Variants in APBA2 observed in about 807,000 individuals in gnomAD.
APBA2 encodes the protein amyloid-beta A4 precursor protein-binding family A member 2.
APBA2 carries 30 observed loss-of-function variants against 75.0 expected under a neutral mutation model. The observed-to-expected ratio is 0.40, with a 90% CI of 0.30 to 0.54. The LOEUF (loss-of-function observed/expected upper bound fraction) is 0.54. Among genes scored for constraint, APBA2 ranks in the 20% least tolerant of loss-of-function variants. APBA2 has a pLI of 0.49. For missense variants in APBA2, 801 were observed against 1,016.1 expected (o/e 0.79, Z 2.88); for synonymous variants, 444 against 409.6 (o/e 1.08, Z -1.01).
At chr15:29,062,892 G>T (rs901233300) in intron 4 of APBA2, among the ~76,000 whole-genome samples, 1 of 152,064 alleles carries the variant, frequency 6.6e-6, no homozygotes, top group East Asian at 1.9e-4. Context: ...CCCCCATCTC[G>T]TGGGGCTGTG....
intron 6 of APBA2, among the ~76,000 whole-genome samples, chr15:29,085,477 A>T (rs1555409078): frequency 6.8e-6 from 1 of 147,740 alleles, no homozygotes; most frequent in Non-Finnish European, 1.5e-5. Context: ...GTGAGCCGAG[A>T]TTGCACCACT....
At chr15:28,948,168 G>A (rs1399983883) in intron 2 of APBA2, among the ~76,000 whole-genome samples, 1 of 152,220 alleles carries the variant, frequency 6.6e-6, no homozygotes, top group East Asian at 1.9e-4. Flanking sequence ...TCCCCACAGG[G>A]GTTAGTTCAT....
At chr15:28,896,266 C>G (rs921731574) in intron 1 of APBA2, among the ~76,000 whole-genome samples, 1 of 151,796 alleles carries the variant, frequency 6.6e-6, no homozygotes, top group African/African-American at 2.4e-5. Flanking sequence ...TGTCCCAAAC[C>G]CACTTTCTTC....
At chr15:28,979,686 G>A (rs115145330) in intron 2 of APBA2, among the ~76,000 whole-genome samples, 1,970 of 152,266 alleles carry the variant, frequency 0.013, 58 homozygotes, top group African/African-American at 0.045. Context: ...CCTTCTGGGC[G>A]GAGCGTGCAG....
intron 3 of APBA2, among the ~76,000 whole-genome samples, chr15:29,021,045 G>C (rs1464831541): frequency 2.0e-5 from 3 of 151,914 alleles, no homozygotes; most frequent in Admixed American, 6.6e-5. Context: ...GTGAGAGAAT[G>C]GGGAAATCCG....
chr15:28,985,838 T>C (rs1165960168), intron 2 of APBA2, among the ~76,000 whole-genome samples: 1 of 152,250 alleles, frequency 6.6e-6, no homozygotes, highest in Non-Finnish European at 1.5e-5. Context: ...AGGAGAGAGA[T>C]AGAAGACAAA....
At chr15:29,023,681 C>A (rs990653448) in intron 3 of APBA2, among the ~76,000 whole-genome samples, 3 of 150,562 alleles carry the variant, frequency 2.0e-5, no homozygotes, top group Non-Finnish European at 4.4e-5. Flanking sequence ...GTCTTGAACT[C>A]CTGACCTCAA....
At chr15:28,924,757 A>G (rs113602549) in intron 2 of APBA2, among the ~76,000 whole-genome samples, 1 of 151,810 alleles carries the variant, frequency 6.6e-6, no homozygotes. Context: ...TCTGTTTTCA[A>G]CTCTTTTGTG....
At chr15:28,943,272 C>A (rs1334406804) in intron 2 of APBA2, among the ~76,000 whole-genome samples, 1 of 152,166 alleles carries the variant, frequency 6.6e-6, no homozygotes, top group African/African-American at 2.4e-5. Flanking sequence ...ACAGCTCAGA[C>A]CTGCCTCTGC....
At position 29,117,377 on chromosome 15, in the gene APBA2, G is replaced by C; in HGVS notation, c.*244G>C. On this transcript the variant is annotated 3_prime_UTR_variant, in exon 15 of 15. Coordinates refer to ENST00000683413, the MANE Select transcript of APBA2 (RefSeq NM_001353788.2). ...TAAAGCGTTCCAAGTATTTTGCCACGTTCTGGACTGTCTTCTCCCTGCACA... is the reference window on the plus strand; with the variant it reads ...TAAAGCGTTCCAAGTATTTTGCCACCTTCTGGACTGTCTTCTCCCTGCACA... 1 of 575,780 alleles carries C rather than the reference G, an allele frequency of 1.7e-6. No individual in the cohort carries two copies. The highest frequency in any genetic ancestry group is 2.0e-5 in the South Asian group (1 of 50,102). 35.7% of individuals were successfully genotyped at this position (575,780 alleles called of 1,614,324 possible).
At chr15:29,115,890 A>T (rs2045080785) in intron 14 of APBA2, among the ~76,000 whole-genome samples, 1 of 152,066 alleles carries the variant, frequency 6.6e-6, no homozygotes, top group African/African-American at 2.4e-5. Context: ...TGCTTGCCTG[A>T]GGAGGGGCAG....
At chr15:28,994,928 A>C (rs1007433305) in intron 2 of APBA2, among the ~76,000 whole-genome samples, 1 of 152,134 alleles carries the variant, frequency 6.6e-6, no homozygotes, top group African/African-American at 2.4e-5. Context: ...TGCCCCCGGG[A>C]GGAGGCTGTA....
chr15:29,086,079 G>A (rs748065650), intron 6 of APBA2, among the ~76,000 whole-genome samples: 1 of 152,208 alleles, frequency 6.6e-6, no homozygotes, highest in South Asian at 2.1e-4. Flanking sequence ...TGTGGCTTCT[G>A]TCTCAGCTTG....
intron 1 of APBA2, among the ~76,000 whole-genome samples, chr15:28,891,372 T>A (rs2032118868): frequency 6.6e-6 from 1 of 152,198 alleles, no homozygotes; most frequent in Admixed American, 6.5e-5. Context: ...CCCTGTCTCC[T>A]GCTGGGGCCC....
At chr15:28,955,101 A>G (rs2036096796) in intron 2 of APBA2, among the ~76,000 whole-genome samples, 1 of 152,140 alleles carries the variant, frequency 6.6e-6, no homozygotes. Flanking sequence ...AGAGCCTAGA[A>G]TTATAGGACT....
intron 9 of APBA2, among the ~76,000 whole-genome samples, chr15:29,101,087 C>T (rs2044094303): frequency 6.6e-6 from 1 of 151,810 alleles, no homozygotes; most frequent in South Asian, 2.1e-4. Context: ...GTGCTACTGG[C>T]ATCTCCTGGG....
intron 1 of APBA2, among the ~76,000 whole-genome samples, chr15:28,905,681 G>A (rs574403961): frequency 5.9e-5 from 9 of 152,238 alleles, no homozygotes; most frequent in South Asian, 2.1e-4. Flanking sequence ...ACATGCCACC[G>A]CACCTGGCTT....
At chr15:29,013,170 A>G (rs12441482) in intron 3 of APBA2, among the ~76,000 whole-genome samples, 48,335 of 151,576 alleles carry the variant, frequency 0.32, 12,528 homozygotes, top group African/African-American at 0.68. Flanking sequence ...ACTATGTCAT[A>G]GTTGATGGTG....
At chr15:28,947,746 A>C (rs972579493) in intron 2 of APBA2, among the ~76,000 whole-genome samples, 1 of 152,204 alleles carries the variant, frequency 6.6e-6, no homozygotes, top group African/African-American at 2.4e-5. Context: ...TAGAGACTCA[A>C]ACCACCTTGT....
Sources: gnomAD v4.1 joint callset for allele counts (sites outside exome capture counted in the v4.1 genomes callset) on GRCh38, gnomAD v4.1.1 for gene constraint, MANE v1.5 for transcripts, NCBI Gene and HGNC (gene_info 2026-07-23, HGNC 2026-07-21) for gene names.